NPAS2: variants seen among roughly 807,000 people sequenced by gnomAD.
The protein encoded by NPAS2 is neuronal PAS domain protein 2, also known as neuronal PAS domain-containing protein 2.
A neutral mutation model predicts 107.5 loss-of-function variants in NPAS2; 23 were observed. That is an observed-to-expected ratio of 0.21 (90% CI 0.15 to 0.30). The LOEUF (loss-of-function observed/expected upper bound fraction) is 0.30, where lower values mean the gene tolerates loss of function less well. Among genes scored for constraint, NPAS2 ranks in the 10% least tolerant of loss-of-function variants. The probability of loss-of-function intolerance (pLI) is 1.00; values close to 1 mark genes in which losing one functional copy is unlikely to be tolerated. For missense variants in NPAS2, 756 were observed against 1,043.3 expected, an observed-to-expected ratio of 0.72 and a Z score of 3.79; for synonymous variants, 403 against 417.5, an observed-to-expected ratio of 0.97 and a Z score of 0.42.
At position 100,841,397 on chromosome 2, in the gene NPAS2, C is replaced by T. The variant is rs141080268; in HGVS notation, c.-23+20983C>T. ...TGGAGGTTGCAGTGAGCCGAGATTG[C>T]GCCACTGCACTCCAGCCTGGATGAA... On this transcript the variant is annotated intron_variant, in intron 1 of 20. Transcript: ENST00000335681. Among the ~76,000 whole-genome samples, 45 of 152,256 alleles carry T rather than the reference C, an allele frequency of 3.0e-4. No homozygotes were observed. The East Asian group carries it at 8.5e-3, about 29-fold the overall frequency.
Position 100,995,676 on chromosome 2 carries a change from C to T in NPAS2, c.*94C>T. 1.9e-6 allele frequency: 3 copies of T among 1,551,018 alleles called. No homozygotes were observed. The highest frequency in any genetic ancestry group is 1.2e-5 in the South Asian group (1 of 84,682). ...GGGGAGAGGAGTCTGAACTAAACCCCTGGCTTTTGTGCACACTGCATACGT... is the reference window on the plus strand; with the variant it reads ...GGGGAGAGGAGTCTGAACTAAACCCTTGGCTTTTGTGCACACTGCATACGT... On this transcript the variant is annotated 3_prime_UTR_variant, in exon 21 of 21. Transcript: ENST00000335681.
chr2:100,883,741 CATATTT>C (rs1374126694), intron 1 of NPAS2, among the ~76,000 whole-genome samples: 6 of 152,080 alleles, frequency 3.9e-5, no homozygotes, highest in Non-Finnish European at 8.8e-5. Context: ...TATAAAACCT[CATATTT>C]ATATGAGGTT....
At chr2:100,867,190 A>G (rs1039702292) in intron 1 of NPAS2, among the ~76,000 whole-genome samples, 2 of 152,210 alleles carry the variant, frequency 1.3e-5, no homozygotes, top group Non-Finnish European at 2.9e-5. Context: ...ATAATATTCC[A>G]TATTTGTCCA....
chr2:100,893,989 G>A (rs768205341), intron 1 of NPAS2, among the ~76,000 whole-genome samples: 1 of 152,164 alleles, frequency 6.6e-6, no homozygotes, highest in African/African-American at 2.4e-5. Context: ...GCTAGTCCCT[G>A]GGGGAGACTG....
chr2:100,873,268 AAAAATACATATAT>A (rs1558827156), intron 1 of NPAS2, among the ~76,000 whole-genome samples: 7 of 99,606 alleles, frequency 7.0e-5, no homozygotes, highest in African/African-American at 3.6e-4. Context: ...AAAAAAAAAA[AAAAATACATATAT>A]ATATATATAT....
At chr2:100,819,247 G>A (rs1303292066), upstream of NPAS2, among the ~76,000 whole-genome samples, 1 of 152,130 alleles carries the variant, frequency 6.6e-6, no homozygotes, top group African/African-American at 2.4e-5. The surrounding 1 kb of genome is among the most constrained non-coding windows in gnomAD (Gnocchi z 5.8). Context: ...GCGGAGGAGG[G>A]GAGGGAGAGG....
Position 100,820,243 on chromosome 2 carries a change from A to AGCC in NPAS2, c.-191_-189dup. 8.0e-6 allele frequency: 1 copy of AGCC among 125,724 alleles called. No individual in the cohort carries two copies. The highest frequency in any genetic ancestry group is 1.9e-5 in the Non-Finnish European group (1 of 53,420). The allele number at this position is 125,724 out of a possible 1,614,324, so 7.8% of individuals were successfully genotyped here. On this transcript the variant is annotated 5_prime_UTR_variant, in exon 1 of 21. Transcript: ENST00000335681. The surrounding 1 kb of genome is among the most constrained non-coding windows in gnomAD (Gnocchi z 5.6). ...GCGGCCGCGGAGCCCGGAGACCCGCAGCCGCGGCGGCGGCGGCGGCGGCGG... is the reference window on the plus strand; with the variant it reads ...GCGGCCGCGGAGCCCGGAGACCCGCAGCCGCCGCGGCGGCGGCGGCGGCGGCGG...
At chr2:100,832,133 C>A (rs192231591) in intron 1 of NPAS2, among the ~76,000 whole-genome samples, 2 of 152,232 alleles carry the variant, frequency 1.3e-5, no homozygotes, top group African/African-American at 4.8e-5. Flanking sequence ...CCGCTGAATC[C>A]CCTGCACCTC....
chr2:100,967,951 C>T (rs1211710958), intron 10 of NPAS2, among the ~76,000 whole-genome samples: 2 of 152,192 alleles, frequency 1.3e-5, no homozygotes, highest in Admixed American at 6.5e-5. Flanking sequence ...GACAGCTCTG[C>T]CTGCGGCGGG....
rs528371039 is a variant in NPAS2, at chr2:100,873,505, T to A, written c.-22-31228T>A. Among the ~76,000 whole-genome samples, 3 of 151,728 alleles carry A rather than the reference T, an allele frequency of 2.0e-5. No homozygotes were observed. The South Asian group carries it at 6.2e-4, about 32-fold the overall frequency. ...GCACTATATATTGTATCCCTTTTTTTAACCTATCTCCAAATTTCACAGTTA... is the reference window on the plus strand; with the variant it reads ...GCACTATATATTGTATCCCTTTTTTAAACCTATCTCCAAATTTCACAGTTA... On this transcript the variant is annotated intron_variant, in intron 1 of 20. Coordinates refer to ENST00000335681, the MANE Select transcript of NPAS2 (RefSeq NM_002518.4).
chr2:100,950,843 TG>T (rs1247123178), intron 7 of NPAS2, among the ~76,000 whole-genome samples: 2 of 152,194 alleles, frequency 1.3e-5, no homozygotes, highest in Admixed American at 1.3e-4. Flanking sequence ...GGCCTAACCA[TG>T]CCTCATCCTA....
intron 1 of NPAS2, among the ~76,000 whole-genome samples, chr2:100,824,995 A>G (rs1269523126): frequency 6.6e-6 from 1 of 152,160 alleles, no homozygotes; most frequent in Middle Eastern, 3.2e-3. Context: ...GAGTACCAGG[A>G]TGGAAATGGG....
chr2:100,849,015 C>T (rs1288008192), intron 1 of NPAS2, among the ~76,000 whole-genome samples: 2 of 152,228 alleles, frequency 1.3e-5, no homozygotes, highest in African/African-American at 2.4e-5. Flanking sequence ...TCTGTGCATT[C>T]ATCTCAGGAA....
At chr2:100,852,190 A>G (rs1371888789) in intron 1 of NPAS2, among the ~76,000 whole-genome samples, 1 of 151,964 alleles carries the variant, frequency 6.6e-6, no homozygotes, top group Non-Finnish European at 1.5e-5. Context: ...AGGTCAGGAG[A>G]TCAAGACCAT....
At chr2:100,936,084 C>A (rs532992493) in intron 4 of NPAS2, among the ~76,000 whole-genome samples, 1 of 152,296 alleles carries the variant, frequency 6.6e-6, no homozygotes, top group East Asian at 1.9e-4. Context: ...ATTTAAGAAA[C>A]GTACTTGAAT....
chr2:100,897,646 C>T (rs755486535), intron 1 of NPAS2, among the ~76,000 whole-genome samples: 5 of 152,118 alleles, frequency 3.3e-5, no homozygotes, highest in African/African-American at 4.8e-5. Flanking sequence ...GGAGGTCTTC[C>T]AAGACTCCCT....
intron 2 of NPAS2, among the ~76,000 whole-genome samples, chr2:100,923,894 C>T (rs1182124952): frequency 2.0e-5 from 3 of 152,230 alleles, no homozygotes; most frequent in East Asian, 1.9e-4. Context: ...TTTTGCATCA[C>T]GTGTTCCTTG....
At chr2:100,850,871 T>G (rs1678124220) in intron 1 of NPAS2, among the ~76,000 whole-genome samples, 1 of 138,444 alleles carries the variant, frequency 7.2e-6, no homozygotes, top group Admixed American at 8.0e-5. Context: ...GAGAATCACT[T>G]GAACCCAGGA....
intron 5 of NPAS2, among the ~76,000 whole-genome samples, chr2:100,946,040 C>G (rs10206435): frequency 0.58 from 88,169 of 152,104 alleles, 25,957 homozygotes; most frequent in African/African-American, 0.67. Flanking sequence ...GAATGCTCAA[C>G]TCAGCACATA....
Sources: allele counts gnomAD v4.1 joint callset (sites outside exome capture counted in the v4.1 genomes callset), GRCh38; gene constraint gnomAD v4.1.1; non-coding constraint Gnocchi (gnomAD v3.1); transcripts MANE v1.5; gene names NCBI Gene and HGNC (gene_info 2026-07-23, HGNC 2026-07-21).